PKP4: variants seen among roughly 807,000 people sequenced by gnomAD.
The protein encoded by PKP4 is plakophilin-4.
Under a neutral mutation model 145.1 loss-of-function variants are expected in PKP4, and 90 were observed. The observed-to-expected ratio is 0.62, with a 90% CI of 0.52 to 0.74. The LOEUF (loss-of-function observed/expected upper bound fraction) is 0.74. PKP4 is among the 30% of genes least tolerant of loss of function. PKP4 has a pLI of 0.00. For missense variants in PKP4, 1,340 were observed against 1,482.7 expected (o/e 0.90, Z 1.58); for synonymous variants, 563 against 577.2 (o/e 0.98, Z 0.35).
At chr2:158,668,551 C>T (rs1410874500) in intron 16 of PKP4, among the ~76,000 whole-genome samples, 3 of 152,242 alleles carry the variant, frequency 2.0e-5, no homozygotes, top group Non-Finnish European at 2.9e-5. Flanking sequence ...GGCCTAACCC[C>T]CAGGAGTGCA....
At chr2:158,554,869 C>G (rs1008871038) in intron 2 of PKP4, among the ~76,000 whole-genome samples, 5 of 152,134 alleles carry the variant, frequency 3.3e-5, no homozygotes, top group African/African-American at 4.8e-5. Context: ...AAATGCCACA[C>G]CTAGAAGAAA....
chr2:158,583,356 C>T (rs1173135920), intron 3 of PKP4, among the ~76,000 whole-genome samples: 1 of 152,184 alleles, frequency 6.6e-6, no homozygotes. Flanking sequence ...ACTCCAAGGA[C>T]ACTGAAGCAG....
At chr2:158,640,292 T>C (rs1211853476) in intron 9 of PKP4, among the ~76,000 whole-genome samples, 3 of 152,204 alleles carry the variant, frequency 2.0e-5, no homozygotes, top group Non-Finnish European at 4.4e-5. Flanking sequence ...TACCTGAGCC[T>C]TGCACCTGCA....
At chr2:158,466,595 C>T (rs1690657441) in intron 1 of PKP4, among the ~76,000 whole-genome samples, 1 of 151,828 alleles carries the variant, frequency 6.6e-6, no homozygotes, top group Non-Finnish European at 1.5e-5. Flanking sequence ...GTCCCAGCTA[C>T]TTGGGAGGCT....
At chr2:158,583,262 A>G (rs1228805940) in intron 3 of PKP4, among the ~76,000 whole-genome samples, 1 of 152,178 alleles carries the variant, frequency 6.6e-6, no homozygotes, top group African/African-American at 2.4e-5. Context: ...CAGTGAGAGT[A>G]AAAGGGTCCA....
intron 1 of PKP4, among the ~76,000 whole-genome samples, chr2:158,475,126 C>A (rs182907396): frequency 6.6e-6 from 1 of 152,238 alleles, no homozygotes; most frequent in African/African-American, 2.4e-5. Flanking sequence ...TTCTTGTTGT[C>A]ACCAGGGTAA....
chr2:158,628,881 C>T lies in PKP4; in HGVS notation c.1154-2872C>T, dbSNP rs1384040147. ...GAAGCATCCAGTCTTCGGCTTGGCT[C>T]TGTCCAAGTGTAAATGATCCTCAGT... On this transcript the variant is annotated intron_variant, in intron 7 of 21. Coordinates refer to ENST00000389759, the MANE Select transcript of PKP4 (RefSeq NM_003628.6). Among the ~76,000 whole-genome samples, 2 of 152,188 alleles carry T rather than the reference C, an allele frequency of 1.3e-5. 1 individual carries two copies. The highest frequency in any genetic ancestry group is 2.9e-5 in the Non-Finnish European group (2 of 68,040).
At chr2:158,547,728 AC>A (rs1410865700) in intron 2 of PKP4, among the ~76,000 whole-genome samples, 1 of 152,190 alleles carries the variant, frequency 6.6e-6, no homozygotes, top group Non-Finnish European at 1.5e-5. Context: ...TCACAGTAAG[AC>A]CCTGGCTTAA....
chr2:158,641,494 T>G (rs2054280338), intron 10 of PKP4, among the ~76,000 whole-genome samples: 1 of 152,096 alleles, frequency 6.6e-6, no homozygotes. Flanking sequence ...TATTTCAGGG[T>G]TTTTTTGGTA....
chr2:158,516,089 G>A (rs11679163), intron 1 of PKP4, among the ~76,000 whole-genome samples: 16,604 of 147,810 alleles, frequency 0.11, 1,201 homozygotes, highest in Non-Finnish European at 0.15. Context: ...GTTAATAAAT[G>A]TTGAGATGTA....
intron 17 of PKP4, among the ~76,000 whole-genome samples, chr2:158,672,893 T>A (rs529637064): frequency 6.6e-6 from 1 of 152,318 alleles, no homozygotes; most frequent in South Asian, 2.1e-4. Flanking sequence ...GGTATATACA[T>A]TTGAAGTCAA....
intron 15 of PKP4, 79 bp downstream of exon 15, chr2:158,663,524 T>G: frequency 8.1e-7 from 1 of 1,242,220 alleles, no homozygotes; most frequent in Admixed American, 1.9e-5. Flanking sequence ...ATGTTCTGCC[T>G]CAGTCAGATC....
chr2:158,492,672 AT>A (rs1695115954), intron 1 of PKP4, among the ~76,000 whole-genome samples: 1 of 152,112 alleles, frequency 6.6e-6, no homozygotes, highest in South Asian at 2.1e-4. Flanking sequence ...TTACAATAGT[AT>A]TTTTTTCTGT....
At chr2:158,475,768 C>T (rs574951177) in intron 1 of PKP4, among the ~76,000 whole-genome samples, 4 of 152,294 alleles carry the variant, frequency 2.6e-5, no homozygotes, top group Non-Finnish European at 5.9e-5. Context: ...TGACTCAGTG[C>T]ACCCCTTATG....
chr2:158,510,466 C>T (rs1372381647), intron 1 of PKP4, among the ~76,000 whole-genome samples: 5 of 152,126 alleles, frequency 3.3e-5, no homozygotes, highest in Admixed American at 6.5e-5. Flanking sequence ...ATGAGCATTG[C>T]GTGTTGCTAA....
At chr2:158,654,050 T>C (rs2055660523) in intron 11 of PKP4, among the ~76,000 whole-genome samples, 1 of 152,272 alleles carries the variant, frequency 6.6e-6, no homozygotes, top group South Asian at 2.1e-4. Context: ...TCTAAGGCTT[T>C]TAAGTTTAAT....
intron 1 of PKP4, among the ~76,000 whole-genome samples, chr2:158,474,312 T>C (rs1294638771): frequency 1.3e-5 from 2 of 152,228 alleles, no homozygotes; most frequent in African/African-American, 4.8e-5. Flanking sequence ...TTGGGATCCC[T>C]GAGGCTCACT....
At chr2:158,659,565 T>C (rs2056351601) in intron 12 of PKP4, 1 of 152,110 alleles carries the variant, frequency 6.6e-6, no homozygotes, top group Non-Finnish European at 1.5e-5. Flanking sequence ...AATAGGGTGA[T>C]GTGAGGGTTA....
chr2:158,663,123 T>G, intron 14 of PKP4, 35 bp downstream of exon 14: 2 of 1,554,940 alleles, frequency 1.3e-6, no homozygotes, highest in African/African-American at 2.8e-5. Flanking sequence ...CTCTCAAGTT[T>G]AATTTTTCTG....
Sources: gnomAD v4.1 joint callset for allele counts (sites outside exome capture counted in the v4.1 genomes callset) on GRCh38, gnomAD v4.1.1 for gene constraint, MANE v1.5 for transcripts, NCBI Gene and HGNC (gene_info 2026-07-23, HGNC 2026-07-21) for gene names.